HPSE2: variants seen among roughly 807,000 people sequenced by gnomAD.
The protein encoded by HPSE2 is inactive heparanase-2.
A neutral mutation model predicts 60.5 loss-of-function variants in HPSE2; 38 were observed. The ratio of observed to expected loss-of-function variants is 0.63; its 90% CI spans 0.48 to 0.82. The LOEUF is 0.82. Ranked by LOEUF, HPSE2 falls within the 40% of genes least tolerant of loss-of-function variation. The pLI, the probability that HPSE2 is intolerant of heterozygous loss-of-function variation, is 0.00. For missense variants in HPSE2, 713 were observed against 740.4 expected (o/e 0.96, Z 0.43); for synonymous variants, 295 against 293.2 (o/e 1.01, Z -0.06).
chr10:98,644,387 G>A (rs145313371), intron 6 of HPSE2, among the ~76,000 whole-genome samples: 52 of 152,342 alleles, frequency 3.4e-4, no homozygotes, highest in African/African-American at 1.2e-3. Context: ...CCCTCTGGAG[G>A]AGAGCATGCT....
At chr10:98,657,364 C>G (rs749595681) in intron 6 of HPSE2, among the ~76,000 whole-genome samples, 2 of 151,914 alleles carry the variant, frequency 1.3e-5, no homozygotes, top group South Asian at 4.2e-4. Flanking sequence ...TTTGTTACCA[C>G]TCTGTTACCC....
chr10:98,524,093 T>C (rs1942883485), intron 9 of HPSE2, among the ~76,000 whole-genome samples: 1 of 152,218 alleles, frequency 6.6e-6, no homozygotes, highest in South Asian at 2.1e-4. Flanking sequence ...ACCAGTACAG[T>C]TGCACAAGGC....
intron 8 of HPSE2, among the ~76,000 whole-genome samples, chr10:98,615,468 A>T (rs1945881590): frequency 6.6e-6 from 1 of 152,084 alleles, no homozygotes; most frequent in South Asian, 2.1e-4. Context: ...CAGAACTCTA[A>T]CTCATATACT....
intron 7 of HPSE2, among the ~76,000 whole-genome samples, chr10:98,630,886 C>T (rs1946350824): frequency 6.6e-6 from 1 of 152,136 alleles, no homozygotes; most frequent in African/African-American, 2.4e-5. Context: ...GTTTAGGGCT[C>T]TGTTCACTTT....
the HPSE2 span, among the ~76,000 whole-genome samples, chr10:99,307,107 T>C: frequency 1.3e-5 from 2 of 152,302 alleles, no homozygotes; most frequent in East Asian, 1.9e-4. Context: ...CTTTGAGCTA[T>C]GCTGCTGCCT....
chr10:98,832,225 A>T (rs543678374), intron 3 of HPSE2, among the ~76,000 whole-genome samples: 1 of 152,328 alleles, frequency 6.6e-6, no homozygotes, highest in South Asian at 2.1e-4. Flanking sequence ...AAATCCAGAA[A>T]CTGTAAAGGA....
intron 3 of HPSE2, among the ~76,000 whole-genome samples, chr10:98,960,730 T>TTTTTTTTTTTTTTTTTTTTATTTTG (rs1955647062): frequency 3.2e-4 from 8 of 24,792 alleles, no homozygotes; most frequent in African/African-American, 4.8e-4. Context: ...TGTTTTATTT[T>TTTTTTTTTTTTTTTTTTTTATTTTG]TTTTATTTTA....
At chr10:99,007,163 C>G (rs1160094782) in intron 3 of HPSE2, among the ~76,000 whole-genome samples, 1 of 152,130 alleles carries the variant, frequency 6.6e-6, no homozygotes, top group Admixed American at 6.5e-5. Flanking sequence ...TAGAACAAGT[C>G]CTCCGGGTAG....
At chr10:99,142,144 G>A (rs538043787) in intron 3 of HPSE2, among the ~76,000 whole-genome samples, 1 of 152,268 alleles carries the variant, frequency 6.6e-6, no homozygotes, top group South Asian at 2.1e-4. Context: ...TTCTGAATGT[G>A]CTGGTAAAGA....
chr10:98,771,537 T>C (rs1950240877), intron 3 of HPSE2, among the ~76,000 whole-genome samples: 1 of 152,162 alleles, frequency 6.6e-6, no homozygotes, highest in South Asian at 2.1e-4. Flanking sequence ...ATAACTAGAA[T>C]TAAAGCCCAG....
intron 9 of HPSE2, among the ~76,000 whole-genome samples, chr10:98,559,147 C>T (rs1944098671): frequency 6.6e-6 from 1 of 152,142 alleles, no homozygotes; most frequent in Non-Finnish European, 1.5e-5. Context: ...CCTGCCTCAG[C>T]CTCCTGAGCA....
chr10:98,894,087 C>T (rs1008301046), intron 3 of HPSE2, among the ~76,000 whole-genome samples: 4 of 152,104 alleles, frequency 2.6e-5, no homozygotes, highest in African/African-American at 7.2e-5. Flanking sequence ...AGTGGTATAA[C>T]TGGAAAAATC....
chr10:99,037,704 T>C (rs1957642230), intron 3 of HPSE2, among the ~76,000 whole-genome samples: 2 of 152,118 alleles, frequency 1.3e-5, no homozygotes, highest in Middle Eastern at 3.4e-3. Flanking sequence ...CAACCAATGA[T>C]GATAATGTTC....
At chr10:98,657,335 T>TA (rs1279919309) in intron 6 of HPSE2, among the ~76,000 whole-genome samples, 1 of 151,716 alleles carries the variant, frequency 6.6e-6, no homozygotes, top group Non-Finnish European at 1.5e-5. Flanking sequence ...CCAAAATCCT[T>TA]TTTTTTTGTT....
At chr10:98,895,272 A>T (rs1011682041) in intron 3 of HPSE2, among the ~76,000 whole-genome samples, 1 of 152,176 alleles carries the variant, frequency 6.6e-6, no homozygotes, top group African/African-American at 2.4e-5. Context: ...TAGAAAATAC[A>T]GAGAGTTGAA....
chr10:99,237,255 G>A (rs558502961), upstream of HPSE2, among the ~76,000 whole-genome samples: 15 of 152,288 alleles, frequency 9.8e-5, no homozygotes, highest in South Asian at 4.1e-4. Flanking sequence ...TGTAGTGCGG[G>A]CAGTCAGAAA....
chr10:98,559,220 G>A (rs996169629), intron 9 of HPSE2, among the ~76,000 whole-genome samples: 1 of 152,134 alleles, frequency 6.6e-6, no homozygotes, highest in Non-Finnish European at 1.5e-5. Flanking sequence ...TAGAGATGGG[G>A]TTTCACCATG....
At chr10:98,504,155 C>T (rs1942117808) in intron 9 of HPSE2, among the ~76,000 whole-genome samples, 2 of 152,198 alleles carry the variant, frequency 1.3e-5, no homozygotes, top group Admixed American at 1.3e-4. Flanking sequence ...TCTCTATCCT[C>T]AGTTCTGCAC....
intron 6 of HPSE2, among the ~76,000 whole-genome samples, chr10:98,673,149 T>C (rs1279549542): frequency 6.6e-6 from 1 of 152,162 alleles, no homozygotes; most frequent in Non-Finnish European, 1.5e-5. Flanking sequence ...GTCTGTAATC[T>C]GAGGAATACA....
Sources: allele counts gnomAD v4.1 joint callset (sites outside exome capture counted in the v4.1 genomes callset), GRCh38; gene constraint gnomAD v4.1.1; transcripts MANE v1.5; gene names NCBI Gene and HGNC (gene_info 2026-07-23, HGNC 2026-07-21).